The following ARHGAP44 variants were observed in gnomAD, a reference collection of about 807,000 sequenced individuals.
ARHGAP44 encodes the protein Rho GTPase activating protein 44, also known as rho GTPase-activating protein 44.
In ARHGAP44, 43 loss-of-function variants were observed where a neutral mutation model predicts 106.8. The observed-to-expected ratio is 0.40, with a 90% CI of 0.32 to 0.52. The LOEUF (loss-of-function observed/expected upper bound fraction) is 0.52, where lower values mean the gene tolerates loss of function less well. ARHGAP44 is among the 20% of genes least tolerant of loss of function. The probability of loss-of-function intolerance (pLI) is 0.48; values close to 1 mark genes in which losing one functional copy is unlikely to be tolerated. For synonymous variants in ARHGAP44, 439 were observed against 410.3 expected (o/e 1.07, Z -0.85); for missense variants, 866 against 1,050.5 (o/e 0.82, Z 2.43).
intron 1 of ARHGAP44, among the ~76,000 whole-genome samples, chr17:12,828,794 A>G (rs550638121): frequency 6.6e-5 from 10 of 151,694 alleles, no homozygotes; most frequent in African/African-American, 9.7e-5. Context: ...GGCGTCCGCC[A>G]CCATGCCCGG....
chr17:12,802,753 CTTT>C (rs869172678), intron 1 of ARHGAP44, among the ~76,000 whole-genome samples: 3 of 108,712 alleles, frequency 2.8e-5, no homozygotes, highest in Middle Eastern at 5.0e-3. Flanking sequence ...TTTTTTATTT[CTTT>C]TTTTTTTTTT....
chr17:12,836,910 C>A (rs1158308279), intron 1 of ARHGAP44, among the ~76,000 whole-genome samples: 8 of 152,180 alleles, frequency 5.3e-5, no homozygotes. Context: ...CTGAACAATG[C>A]TGTAAACCAA....
intron 10 of ARHGAP44, among the ~76,000 whole-genome samples, chr17:12,945,140 G>A (rs1267904787): frequency 6.6e-6 from 1 of 151,992 alleles, no homozygotes; most frequent in Non-Finnish European, 1.5e-5. Flanking sequence ...CCTCAGAGTA[G>A]CTGAGTTTAC....
chr17:12,910,804 C>T (rs978912526), intron 4 of ARHGAP44, among the ~76,000 whole-genome samples: 2 of 151,836 alleles, frequency 1.3e-5, no homozygotes, highest in Admixed American at 1.3e-4. Flanking sequence ...TTTTACGTTT[C>T]TGTGGTGGCA....
Position 12,958,465 on chromosome 17 carries a change from G to A in ARHGAP44, c.1343-252G>A, listed in dbSNP as rs570727279. Among the ~76,000 whole-genome samples the A allele has an allele frequency of 3.3e-5, 5 of 150,790 alleles. No homozygotes were observed. The highest frequency in any genetic ancestry group is 6.6e-5 in the Admixed American group (1 of 15,144). On this transcript the variant is annotated intron_variant, in intron 15 of 20. Coordinates refer to ENST00000379672, the MANE Select transcript of ARHGAP44 (RefSeq NM_014859.6). This position sits in a 1 kb window ranked among gnomAD's most constrained non-coding sequence, Gnocchi z 4.1. ...ATTTCATATATTTCAGAAAGTATCC[G>A]TTCCTGTTTTTACAAACTTTTTTTT...
chr17:12,914,770 T>G (rs1397033202), intron 4 of ARHGAP44, among the ~76,000 whole-genome samples: 1 of 131,294 alleles, frequency 7.6e-6, no homozygotes, highest in South Asian at 2.4e-4. Flanking sequence ...TACTCCAGCC[T>G]AGGCAACAAG....
At chr17:12,851,460 C>T (rs1438905827) in intron 1 of ARHGAP44, among the ~76,000 whole-genome samples, 4 of 152,090 alleles carry the variant, frequency 2.6e-5, no homozygotes, top group Admixed American at 6.5e-5. Flanking sequence ...ATTATCTTTA[C>T]TTTCTCTTCT....
At chr17:12,810,859 G>T (rs902254156) in intron 1 of ARHGAP44, among the ~76,000 whole-genome samples, 9 of 152,268 alleles carry the variant, frequency 5.9e-5, no homozygotes, top group Admixed American at 5.9e-4. Flanking sequence ...GAAAATCCAG[G>T]TGTAACTTTT....
intron 1 of ARHGAP44, among the ~76,000 whole-genome samples, chr17:12,837,644 G>A (rs1044796545): frequency 6.6e-6 from 1 of 151,844 alleles, no homozygotes; most frequent in African/African-American, 2.4e-5. Context: ...CCATAGATCA[G>A]GGCAGGTAGT....
At chr17:12,889,904 G>A (rs1330164830) in intron 1 of ARHGAP44, among the ~76,000 whole-genome samples, 1 of 152,210 alleles carries the variant, frequency 6.6e-6, no homozygotes, top group African/African-American at 2.4e-5. Flanking sequence ...TTCCAACTAA[G>A]TCCAAAATCC....
chr17:12,955,811 G>A (rs538394208), intron 13 of ARHGAP44, 56 bp from the exon 14 acceptor site: 2 of 1,093,638 alleles, frequency 1.8e-6, no homozygotes, highest in African/African-American at 3.1e-5. Context: ...CAGTCCCCGG[G>A]GGACATGGCT....
rs757585682 is a variant in ARHGAP44, at chr17:12,978,035, T to TAAAAAAAAAAAAAAAAAAAAAAAA, written c.1764-2023_1764-2022insAAAAAAAAAAAAAAAAAAAAAAAA. On this transcript the variant is annotated intron_variant, in intron 18 of 20. Coordinates refer to ENST00000379672, the MANE Select transcript of ARHGAP44 (RefSeq NM_014859.6). ...CTGGGCAACAGAGCAAGACTCCATC[T>TAAAAAAAAAAAAAAAAAAAAAAAA]CAAAAAAAAAAAAAAAAAAAAGTGT... Among the ~76,000 whole-genome samples the TAAAAAAAAAAAAAAAAAAAAAAAA allele has an allele frequency of 2.1e-3, 116 of 55,452 alleles. 27 individuals are homozygous for TAAAAAAAAAAAAAAAAAAAAAAAA. Among genetic ancestry groups the TAAAAAAAAAAAAAAAAAAAAAAAA allele is most frequent in the Middle Eastern group, 0.011 (1 of 94 alleles). The allele number at this position is 55,452 out of a possible 152,430, so 36.4% of individuals were successfully genotyped here. A position where few individuals can be genotyped will look rare whatever the true frequency, so the allele number is the denominator to read the frequency against.
chr17:12,973,258 C>G (rs748306472), intron 16 of ARHGAP44, 44 bp from the exon 17 acceptor site: 56 of 1,590,814 alleles, frequency 3.5e-5, no homozygotes, highest in Non-Finnish European at 4.4e-5. Flanking sequence ...AAAGGAAGGC[C>G]TAGATTTTTT....
chr17:12,940,162 C>G (rs1309027050), intron 7 of ARHGAP44, among the ~76,000 whole-genome samples: 2 of 152,150 alleles, frequency 1.3e-5, no homozygotes, highest in Admixed American at 1.3e-4. Context: ...TTTGCCCCAA[C>G]CTGAACACGT....
chr17:12,827,137 CTTAT>C lies in ARHGAP44; in HGVS notation c.53+37254_53+37257del, dbSNP rs538345951. Among the ~76,000 whole-genome samples the C allele has an allele frequency of 3.5e-3, 539 of 152,232 alleles. 13 individuals carry two copies. The highest frequency in any genetic ancestry group is 1.1e-3 in the Non-Finnish European group (74 of 68,004). ...TTTTTGGTCTCTGTAACCCTGTTCTCTTATTTATTTAATTCCTTTATTCTCTTTT... is the reference window on the plus strand; with the variant it reads ...TTTTTGGTCTCTGTAACCCTGTTCTCTTATTTAATTCCTTTATTCTCTTTT... On this transcript the variant is annotated intron_variant, in intron 1 of 20. Coordinates refer to ENST00000379672, the MANE Select transcript of ARHGAP44 (RefSeq NM_014859.6).
chr17:12,924,479 A>G (rs2038176721), intron 6 of ARHGAP44, among the ~76,000 whole-genome samples: 1 of 152,178 alleles, frequency 6.6e-6, no homozygotes, highest in African/African-American at 2.4e-5. Flanking sequence ...TTTTCTGGTC[A>G]TGTAGCTCAA....
In ARHGAP44 at chr17:12,789,828, G is replaced by T; in HGVS notation, c.-11G>T. 2.0e-6 allele frequency: 3 copies of T among 1,505,900 alleles called. No homozygotes were observed. Among genetic ancestry groups the T allele is most frequent in the Non-Finnish European group, 2.7e-6 (3 of 1,129,166 alleles). The allele number at this position is 1,505,900 out of a possible 1,614,324, so 93.3% of individuals were successfully genotyped here. On this transcript the variant is annotated 5_prime_UTR_variant, in exon 1 of 21. Coordinates refer to ENST00000379672, the MANE Select transcript of ARHGAP44 (RefSeq NM_014859.6). ...CCCCAGCTCCCGGGCTAGCGCGGCA[G>T]CGGGGCCACGATGAAGAAGCAGTTC...
At chr17:12,853,050 T>C (rs2035807167) in intron 1 of ARHGAP44, among the ~76,000 whole-genome samples, 6 of 152,168 alleles carry the variant, frequency 3.9e-5, no homozygotes. Flanking sequence ...TCAACTCACG[T>C]GATCACAAGG....
chr17:12,855,922 C>T (rs189596638), intron 1 of ARHGAP44, among the ~76,000 whole-genome samples: 2 of 152,248 alleles, frequency 1.3e-5, no homozygotes, highest in East Asian at 1.9e-4. Flanking sequence ...TGCTTGTGGT[C>T]GAGCTCCAGG....
Sources: gnomAD v4.1 joint callset for allele counts (sites outside exome capture counted in the v4.1 genomes callset) on GRCh38, gnomAD v4.1.1 for gene constraint, Gnocchi (gnomAD v3.1) non-coding constraint, MANE v1.5 for transcripts, NCBI Gene and HGNC (gene_info 2026-07-23, HGNC 2026-07-21) for gene names.